DLC1: variants seen among roughly 807,000 people sequenced by gnomAD.
DLC1 encodes the protein DLC1 Rho GTPase activating protein, also known as rho GTPase-activating protein 7.
In DLC1, 54 loss-of-function variants were observed where a neutral mutation model predicts 140.3. The ratio of observed to expected loss-of-function variants is 0.38; its 90% CI spans 0.31 to 0.48. The LOEUF (loss-of-function observed/expected upper bound fraction) is 0.48, where lower values mean the gene tolerates loss of function less well. Among genes scored for constraint, DLC1 ranks in the 20% least tolerant of loss-of-function variants. The pLI, the probability that DLC1 is intolerant of heterozygous loss-of-function variation, is 0.96. For synonymous variants in DLC1, 986 were observed against 728.1 expected, an observed-to-expected ratio of 1.35 and a Z score of -5.70; for missense variants, 2,536 against 1,907.0, an observed-to-expected ratio of 1.33 and a Z score of -6.14.
chr8:13,165,564 C>T (rs1483360974), intron 5 of DLC1, among the ~76,000 whole-genome samples: 1 of 152,204 alleles, frequency 6.6e-6, no homozygotes, highest in Non-Finnish European at 1.5e-5. Flanking sequence ...TGAAGGCAGA[C>T]ACTTGGCCAG....
intron 5 of DLC1, among the ~76,000 whole-genome samples, chr8:13,260,787 C>A (rs1394328870): frequency 1.3e-5 from 2 of 152,028 alleles, no homozygotes; most frequent in African/African-American, 4.8e-5. Context: ...GTATGTGATA[C>A]ATAAGGGAGG....
chr8:13,162,860 G>A (rs1474006162), intron 5 of DLC1, among the ~76,000 whole-genome samples: 1 of 152,170 alleles, frequency 6.6e-6, no homozygotes, highest in Non-Finnish European at 1.5e-5. Flanking sequence ...CTTGAGCCCA[G>A]GAGTATGAGG....
intron 2 of DLC1, among the ~76,000 whole-genome samples, chr8:13,456,529 G>A (rs1230416352): frequency 6.6e-6 from 1 of 152,048 alleles, no homozygotes; most frequent in African/African-American, 2.4e-5. Context: ...CTGGATCCCA[G>A]CTCCCTGCAA....
At chr8:13,393,756 T>C in intron 3 of DLC1, 63 bp from the exon 4 acceptor site, 8 of 1,557,532 alleles carry the variant, frequency 5.1e-6, no homozygotes, top group Non-Finnish European at 7.0e-6. Context: ...CCCTTCTTCC[T>C]ACCACCAGAA....
chr8:13,491,468 T>C (rs1229654951), intron 2 of DLC1, among the ~76,000 whole-genome samples: 1 of 152,204 alleles, frequency 6.6e-6, no homozygotes, highest in Middle Eastern at 3.2e-3. Context: ...TTAATATGTA[T>C]GTTATAGAAC....
At chr8:13,166,885 C>T (rs912408382) in intron 5 of DLC1, among the ~76,000 whole-genome samples, 3 of 152,092 alleles carry the variant, frequency 2.0e-5, no homozygotes, top group African/African-American at 7.2e-5. Flanking sequence ...AATTGGTGCC[C>T]TGTGGCCCTG....
At chr8:13,556,978 T>G (rs999066452) in intron 1 of DLC1, among the ~76,000 whole-genome samples, 5 of 152,206 alleles carry the variant, frequency 3.3e-5, no homozygotes, top group Admixed American at 1.3e-4. Flanking sequence ...AGTTAGCAAT[T>G]TATTATACAA....
chr8:13,438,884 A>G (rs184269982), intron 2 of DLC1, among the ~76,000 whole-genome samples: 32 of 152,312 alleles, frequency 2.1e-4, no homozygotes, highest in African/African-American at 7.5e-4. Context: ...AACTTTTTCC[A>G]TAAAGGACTG....
At chr8:13,361,969 A>C (rs988679609) in intron 4 of DLC1, among the ~76,000 whole-genome samples, 4 of 152,224 alleles carry the variant, frequency 2.6e-5, no homozygotes, top group Non-Finnish European at 4.4e-5. Context: ...AAGAGGAAGG[A>C]CAGAATTTCC....
chr8:13,514,867 G>C (rs1005346985), upstream of DLC1: 7 of 384,442 alleles, frequency 1.8e-5, no homozygotes, highest in Non-Finnish European at 2.8e-5. Flanking sequence ...TTTGCAAAAG[G>C]GGCCTCCACA....
At chr8:13,491,307 T>G (rs983126850) in intron 2 of DLC1, among the ~76,000 whole-genome samples, 1 of 151,824 alleles carries the variant, frequency 6.6e-6, no homozygotes, top group East Asian at 1.9e-4. Context: ...TGCCATCTTC[T>G]CTCCACTCCA....
intron 4 of DLC1, among the ~76,000 whole-genome samples, chr8:13,316,067 A>G (rs192345438): frequency 5.3e-5 from 8 of 152,206 alleles, no homozygotes; most frequent in African/African-American, 1.9e-4. Context: ...CCTCCCTTTC[A>G]AGAACAGCAC....
At chr8:13,189,148 A>C (rs188413295) in intron 5 of DLC1, among the ~76,000 whole-genome samples, 19 of 152,064 alleles carry the variant, frequency 1.2e-4, no homozygotes, top group Non-Finnish European at 2.6e-4. Flanking sequence ...AAGTATTTCA[A>C]CTCTCTCTGC....
At chr8:13,451,051 A>G (rs1799022390) in intron 2 of DLC1, among the ~76,000 whole-genome samples, 1 of 147,196 alleles carries the variant, frequency 6.8e-6, no homozygotes, top group East Asian at 1.9e-4. Flanking sequence ...AAAAAAAAAA[A>G]AAAAAAAAAA....
At chr8:13,456,337 A>C (rs1178433678) in intron 2 of DLC1, among the ~76,000 whole-genome samples, 1 of 152,352 alleles carries the variant, frequency 6.6e-6, no homozygotes, top group East Asian at 1.9e-4. Flanking sequence ...TCATATGTGA[A>C]AGTTTTTTTG....
At chr8:13,294,412 G>T (rs1482627719) in intron 5 of DLC1, among the ~76,000 whole-genome samples, 2 of 152,178 alleles carry the variant, frequency 1.3e-5, no homozygotes, top group Non-Finnish European at 2.9e-5. Flanking sequence ...GACCAGTTCA[G>T]ACTTGATGTG....
chr8:13,131,389 C>A (rs1822063877), intron 5 of DLC1, among the ~76,000 whole-genome samples: 1 of 152,218 alleles, frequency 6.6e-6, no homozygotes. Context: ...TGCCTTCTCC[C>A]GAGCTGCAAT....
At chr8:13,147,042 G>A (rs924938639) in intron 5 of DLC1, among the ~76,000 whole-genome samples, 31 of 152,220 alleles carry the variant, frequency 2.0e-4, no homozygotes, top group African/African-American at 7.5e-4. Context: ...AGCTCACAAT[G>A]TATATATATT....
chr8:13,547,419 A>C (rs1803690415), intron 1 of DLC1, among the ~76,000 whole-genome samples: 1 of 152,054 alleles, frequency 6.6e-6, no homozygotes, highest in African/African-American at 2.4e-5. Context: ...ACATGTATTA[A>C]AGAAGAAAAT....
Sources: allele counts gnomAD v4.1 joint callset (sites outside exome capture counted in the v4.1 genomes callset), GRCh38; gene constraint gnomAD v4.1.1; transcripts MANE v1.5; gene names NCBI Gene and HGNC (gene_info 2026-07-23, HGNC 2026-07-21).